MAGI1: variants seen among roughly 807,000 people sequenced by gnomAD.
MAGI1 encodes membrane-associated guanylate kinase, WW and PDZ domain-containing protein 1.
A neutral mutation model predicts 139.9 loss-of-function variants in MAGI1; 58 were observed. The ratio of observed to expected loss-of-function variants is 0.41; its 90% CI spans 0.34 to 0.52. The LOEUF (loss-of-function observed/expected upper bound fraction) is 0.52. MAGI1 is among the 20% of genes least tolerant of loss of function. The pLI is 0.12. For missense variants in MAGI1, 1,874 were observed against 1,901.6 expected (o/e 0.99, Z 0.27); for synonymous variants, 812 against 737.9 (o/e 1.10, Z -1.63).
chr3:65,873,138 C>CG (rs1481028584), intron 1 of MAGI1: 1 of 152,216 alleles, frequency 6.6e-6, no homozygotes, highest in Non-Finnish European at 1.5e-5. Flanking sequence ...TCTGGGGCAG[C>CG]GGCCAAGATG....
At chr3:65,435,502 GGAA>G (rs375937015) in intron 10 of MAGI1, among the ~76,000 whole-genome samples, 1 of 151,102 alleles carries the variant, frequency 6.6e-6, no homozygotes, top group African/African-American at 2.4e-5. Flanking sequence ...ATGGATGGAT[GGAA>G]GATGGATGGA....
intron 1 of MAGI1, among the ~76,000 whole-genome samples, chr3:65,766,291 G>A (rs961232523): frequency 6.6e-6 from 1 of 152,166 alleles, no homozygotes; most frequent in African/African-American, 2.4e-5. Flanking sequence ...TAGAACAAGG[G>A]AGAAGGAGTC....
chr3:65,477,714 T>TTATTATTATTA (rs745836102), intron 4 of MAGI1, among the ~76,000 whole-genome samples: 10 of 107,340 alleles, frequency 9.3e-5, no homozygotes, highest in East Asian at 6.4e-4. Context: ...TATTATTATT[T>TTATTATTATTA]TTTTTTTTTT....
intron 1 of MAGI1, among the ~76,000 whole-genome samples, chr3:65,834,988 G>A (rs2042731539): frequency 6.6e-6 from 1 of 152,118 alleles, no homozygotes. Context: ...TTTGAAGTGA[G>A]TTTCTTGAAG....
At chr3:65,463,599 T>TGTGC (rs1949968081) in intron 5 of MAGI1, among the ~76,000 whole-genome samples, 1 of 140,780 alleles carries the variant, frequency 7.1e-6, no homozygotes, top group African/African-American at 2.6e-5. Flanking sequence ...TGTGTGTGTG[T>TGTGC]GTGTCTGCCA....
At chr3:65,448,175 T>C (rs1048988798) in intron 6 of MAGI1, 118 bp from the exon 7 acceptor site, 10 of 887,320 alleles carry the variant, frequency 1.1e-5, no homozygotes, top group Non-Finnish European at 1.7e-5. Flanking sequence ...CTCTAGTTCA[T>C]CCTTACCTGC....
At chr3:65,523,895 G>C (rs1285019966) in intron 2 of MAGI1, among the ~76,000 whole-genome samples, 1 of 152,144 alleles carries the variant, frequency 6.6e-6, no homozygotes, top group African/African-American at 2.4e-5. Flanking sequence ...GCACGCTACA[G>C]AAGAGCTTAT....
chr3:65,827,914 A>G (rs765311134), intron 1 of MAGI1, among the ~76,000 whole-genome samples: 4 of 152,204 alleles, frequency 2.6e-5, no homozygotes, highest in Non-Finnish European at 4.4e-5. Context: ...AATTAATAGC[A>G]TCTTTATGTC....
chr3:65,847,952 T>A (rs539234737), intron 1 of MAGI1, among the ~76,000 whole-genome samples: 1 of 152,142 alleles, frequency 6.6e-6, no homozygotes, highest in African/African-American at 2.4e-5. Context: ...GGGGTATACC[T>A]TGAGTCCAGG....
chr3:65,919,529 T>G (rs2062068401), intron 1 of MAGI1, among the ~76,000 whole-genome samples: 2 of 151,476 alleles, frequency 1.3e-5, no homozygotes, highest in Non-Finnish European at 2.9e-5. Context: ...GCCACTGTAC[T>G]CTAGCCCAGG....
chr3:65,511,445 A>C (rs971616606), intron 2 of MAGI1, among the ~76,000 whole-genome samples: 1 of 114,344 alleles, frequency 8.7e-6, no homozygotes, highest in African/African-American at 3.4e-5. Flanking sequence ...GCTCAAAATA[A>C]AAGGATGGAG....
At chr3:65,927,976 C>A (rs996287919) in intron 1 of MAGI1, among the ~76,000 whole-genome samples, 1 of 152,188 alleles carries the variant, frequency 6.6e-6, no homozygotes, top group African/African-American at 2.4e-5. Context: ...TATGATCACC[C>A]TACTTAAAAT....
intron 1 of MAGI1, among the ~76,000 whole-genome samples, chr3:65,635,231 A>T (rs535588295): frequency 1.3e-5 from 2 of 152,022 alleles, no homozygotes; most frequent in South Asian, 4.2e-4. Context: ...CATCCAGCTA[A>T]TTTTTGTATT....
chr3:65,772,084 C>A (rs1331673294), intron 1 of MAGI1, among the ~76,000 whole-genome samples: 1 of 151,880 alleles, frequency 6.6e-6, no homozygotes, highest in Non-Finnish European at 1.5e-5. Context: ...GCCTGTAATC[C>A]CAGGGAGAGG....
At chr3:65,715,601 C>G (rs1342918387) in intron 1 of MAGI1, among the ~76,000 whole-genome samples, 2 of 152,078 alleles carry the variant, frequency 1.3e-5, no homozygotes, top group Admixed American at 1.3e-4. Flanking sequence ...ATGGCAGGTA[C>G]AAAAAGACAC....
chr3:65,524,328 G>A (rs2078292068), intron 2 of MAGI1, among the ~76,000 whole-genome samples: 1 of 152,148 alleles, frequency 6.6e-6, no homozygotes, highest in South Asian at 2.1e-4. Flanking sequence ...TAAAACAGAA[G>A]TACTCTTTTC....
At chr3:65,843,225 G>A (rs1340764191) in intron 1 of MAGI1, among the ~76,000 whole-genome samples, 1 of 152,122 alleles carries the variant, frequency 6.6e-6, no homozygotes, top group Non-Finnish European at 1.5e-5. Flanking sequence ...CTTTTTCCTA[G>A]AAGGATCCAC....
chr3:65,802,059 C>T (rs906593031), intron 1 of MAGI1, among the ~76,000 whole-genome samples: 1 of 152,112 alleles, frequency 6.6e-6, no homozygotes, highest in African/African-American at 2.4e-5. Flanking sequence ...ACAGTTTCAT[C>T]CTGAAACCAT....
At chr3:65,590,659 A>T (rs2081927636) in intron 2 of MAGI1, among the ~76,000 whole-genome samples, 1 of 152,154 alleles carries the variant, frequency 6.6e-6, no homozygotes. Context: ...AATATATTAC[A>T]TCCTTGCAGA....
Sources: gnomAD v4.1 joint callset for allele counts (sites outside exome capture counted in the v4.1 genomes callset) on GRCh38, gnomAD v4.1.1 for gene constraint, MANE v1.5 for transcripts, NCBI Gene and HGNC (gene_info 2026-07-23, HGNC 2026-07-21) for gene names.